LTBP1: variants seen among roughly 807,000 people sequenced by gnomAD.
LTBP1 encodes the protein latent-transforming growth factor beta-binding protein 1.
Under a neutral mutation model 207.6 loss-of-function variants are expected in LTBP1, and 129 were observed. The ratio of observed to expected loss-of-function variants is 0.62; its 90% CI spans 0.54 to 0.72. The LOEUF (loss-of-function observed/expected upper bound fraction) is 0.72, where lower values mean the gene tolerates loss of function less well. Among genes scored for constraint, LTBP1 ranks in the 30% least tolerant of loss-of-function variants. LTBP1 has a pLI of 0.00. For missense variants in LTBP1, 2,281 were observed against 2,217.2 expected (o/e 1.03, Z -0.58); for synonymous variants, 963 against 833.7 (o/e 1.16, Z -2.67).
intron 8 of LTBP1, among the ~76,000 whole-genome samples, chr2:33,218,974 G>T (rs1423766415): frequency 1.3e-5 from 2 of 151,846 alleles, no homozygotes; most frequent in Non-Finnish European, 2.9e-5. Flanking sequence ...TTGCCATCTG[G>T]GCATTAGTAT....
chr2:33,134,804 A>G lies in LTBP1; in HGVS notation c.1045A>G (p.Thr349Ala). The G allele has an allele frequency of 6.2e-7, 1 of 1,614,018 alleles. No homozygotes were observed. Among genetic ancestry groups the G allele is most frequent in the East Asian group, 2.2e-5 (1 of 44,874 alleles). The change falls in exon 5 of 34, where the codon ACT becomes GCT. Residue 349 changes from threonine (T) to alanine (A), a missense_variant. Transcript: ENST00000404816. The surrounding 1 kb of genome is among the most constrained non-coding windows in gnomAD (Gnocchi z 4.4). Reference sequence around the variant, plus strand: ...GCCTCCGCTCCTAGTGAGTAACCACACTGGCCGCATCAAGGTGGTCTTTAC... The same window carrying G: ...GCCTCCGCTCCTAGTGAGTAACCACGCTGGCCGCATCAAGGTGGTCTTTAC... ...VAAPFQLSNHTGRIKVVFTPS... is the reference protein window; with the variant it reads ...VAAPFQLSNHAGRIKVVFTPS...
At chr2:33,051,504 G>T (rs1039626585) in intron 3 of LTBP1, among the ~76,000 whole-genome samples, 2 of 152,178 alleles carry the variant, frequency 1.3e-5, no homozygotes, top group African/African-American at 2.4e-5. Flanking sequence ...TTGAGAGGCA[G>T]TTAGGCAGCC....
At chr2:33,011,739 C>T (rs1042804658) in intron 2 of LTBP1, among the ~76,000 whole-genome samples, 3 of 151,910 alleles carry the variant, frequency 2.0e-5, no homozygotes, top group Admixed American at 2.0e-4. Flanking sequence ...AGGATGATGT[C>T]TCTGGTGATT....
At chr2:33,043,816 A>G (rs2076311776) in intron 3 of LTBP1, among the ~76,000 whole-genome samples, 1 of 152,204 alleles carries the variant, frequency 6.6e-6, no homozygotes. Context: ...AGGACCAGGC[A>G]TAGAGAAGGG....
intron 2 of LTBP1, among the ~76,000 whole-genome samples, chr2:32,995,563 C>T (rs1195049363): frequency 3.9e-5 from 6 of 152,152 alleles, no homozygotes; most frequent in South Asian, 2.1e-4. Context: ...AGGCGGATCA[C>T]GAGGTCAGGA....
chr2:33,024,734 G>A (rs1033419087), intron 3 of LTBP1, among the ~76,000 whole-genome samples: 3 of 152,202 alleles, frequency 2.0e-5, no homozygotes, highest in East Asian at 1.9e-4. Context: ...TGGAGGAGAA[G>A]GGTGTATCCA....
At chr2:33,202,601 T>C (rs2089435267) in intron 7 of LTBP1, among the ~76,000 whole-genome samples, 1 of 152,250 alleles carries the variant, frequency 6.6e-6, no homozygotes, top group Admixed American at 6.5e-5. Context: ...TCACACTGGT[T>C]ATTCCCTAAA....
At chr2:33,124,804 C>T (rs897580540) in intron 4 of LTBP1, among the ~76,000 whole-genome samples, 1 of 152,178 alleles carries the variant, frequency 6.6e-6, no homozygotes, top group Non-Finnish European at 1.5e-5. Flanking sequence ...CAAATTATTT[C>T]ACATGGCCCC....
chr2:33,364,627 A>T (rs1341525338), intron 30 of LTBP1, among the ~76,000 whole-genome samples: 2 of 152,282 alleles, frequency 1.3e-5, no homozygotes, highest in African/African-American at 4.8e-5. Flanking sequence ...AGGGTTCATC[A>T]TCCCTAACCT....
At chr2:33,083,608 T>G (rs976733924) in intron 3 of LTBP1, among the ~76,000 whole-genome samples, 2 of 152,106 alleles carry the variant, frequency 1.3e-5, no homozygotes, top group Admixed American at 6.5e-5. Context: ...GGTGCTGCAG[T>G]AGGTCCTTAA....
Position 33,142,657 on chromosome 2 carries a change from G to A in LTBP1, c.1201+7697G>A, listed in dbSNP as rs191172483. Among the ~76,000 whole-genome samples the A allele has an allele frequency of 9.0e-3, 1,376 of 152,156 alleles. 16 individuals carry two copies. The highest frequency in any genetic ancestry group is 0.045 in the South Asian group (216 of 4,798). On this transcript the variant is annotated intron_variant, in intron 5 of 33. Transcript: ENST00000404816. ...GCAGAGAAGGGCAGTGGGGCGGGGGGCAGAGTGGTTGTATAAGAACATATG... is the reference window on the plus strand; with the variant it reads ...GCAGAGAAGGGCAGTGGGGCGGGGGACAGAGTGGTTGTATAAGAACATATG...
At position 33,273,599 on chromosome 2, in the gene LTBP1, C is replaced by G; in HGVS notation, c.2618-57C>G. 2.2e-6 allele frequency: 3 copies of G among 1,379,314 alleles called. No homozygotes were observed. In the South Asian group the frequency reaches 4.0e-5, roughly 19 times the overall value. 85.4% of individuals were successfully genotyped at this position (1,379,314 alleles called of 1,614,324 possible). Reference sequence around the variant, plus strand: ...ACTCAAAGTAATACTTTGAGAGTAGCAGTGAAATCTGTTCATTTCTGTGGG... The same window carrying G: ...ACTCAAAGTAATACTTTGAGAGTAGGAGTGAAATCTGTTCATTTCTGTGGG... On this transcript the variant is annotated intron_variant, in intron 15 of 33. Transcript: ENST00000404816.
intron 4 of LTBP1, among the ~76,000 whole-genome samples, chr2:33,115,750 A>C (rs2150323888): frequency 6.6e-6 from 1 of 152,302 alleles, no homozygotes; most frequent in East Asian, 1.9e-4. Flanking sequence ...AGAGGAAGAA[A>C]ATGGAAATGA....
At chr2:33,174,947 T>C (rs1381402290) in intron 5 of LTBP1, among the ~76,000 whole-genome samples, 58 of 151,922 alleles carry the variant, frequency 3.8e-4, no homozygotes, top group Non-Finnish European at 6.8e-4. Flanking sequence ...GAAAACTGGC[T>C]AGCCATATGT....
chr2:33,374,749 C>G (rs1442229991), intron 31 of LTBP1, among the ~76,000 whole-genome samples: 1 of 152,104 alleles, frequency 6.6e-6, no homozygotes, highest in Non-Finnish European at 1.5e-5. Context: ...GTCAGGAGTT[C>G]GAGACCAGCC....
intron 2 of LTBP1, among the ~76,000 whole-genome samples, chr2:32,987,556 T>C (rs1300046869): frequency 1.3e-5 from 2 of 152,196 alleles, no homozygotes; most frequent in Non-Finnish European, 2.9e-5. Context: ...CTTTGTGATC[T>C]TGGGCAATTA....
intron 28 of LTBP1, among the ~76,000 whole-genome samples, chr2:33,362,597 C>T (rs1176879596): frequency 6.6e-6 from 1 of 152,084 alleles, no homozygotes; most frequent in African/African-American, 2.4e-5. Flanking sequence ...CAGATCCAAC[C>T]AGCCATATGT....
rs529574505 is a variant in LTBP1 at position 33,383,301 on chromosome 2, C to A, written c.4712-5883C>A. 3.3e-5 allele frequency among the ~76,000 whole-genome samples: 5 copies of A among 152,314 alleles called. No individual in the cohort carries two copies. The East Asian group carries it at 9.7e-4, about 29-fold the overall frequency. ...CTGGGAGGTGGAGATTGCAGTGAAC[C>A]GAGATTGCGCCACTGCACTCCATCC... On this transcript the variant is annotated intron_variant, in intron 31 of 33. Coordinates refer to ENST00000404816, the MANE Select transcript of LTBP1 (RefSeq NM_206943.4).
intron 3 of LTBP1, among the ~76,000 whole-genome samples, chr2:33,036,064 ATT>A (rs1309222683): frequency 6.6e-6 from 1 of 152,098 alleles, no homozygotes; most frequent in Non-Finnish European, 1.5e-5. Flanking sequence ...CAAATGTCAT[ATT>A]GTTTGTATTC....
Sources: allele counts gnomAD v4.1 joint callset (sites outside exome capture counted in the v4.1 genomes callset), GRCh38; gene constraint gnomAD v4.1.1; non-coding constraint Gnocchi (gnomAD v3.1); transcripts MANE v1.5; gene names NCBI Gene and HGNC (gene_info 2026-07-23, HGNC 2026-07-21).